Variants in METTL6 observed in about 807,000 individuals in gnomAD.
METTL6 encodes the protein tRNA N(3)-cytidine methyltransferase METTL6.
METTL6 carries 22 observed loss-of-function variants against 26.4 expected under a neutral mutation model. That is an observed-to-expected ratio of 0.83 (90% confidence interval 0.59 to 1.19). METTL6 has a LOEUF of 1.19. METTL6 is among the 50% of genes most tolerant of loss of function. The probability of loss-of-function intolerance (pLI) is 0.00; values close to 1 mark genes in which losing one functional copy is unlikely to be tolerated. For synonymous variants in METTL6, 109 were observed against 116.2 expected, an observed-to-expected ratio of 0.94 and a Z score of 0.40; for missense variants, 304 against 324.8, an observed-to-expected ratio of 0.94 and a Z score of 0.49.
rs757209185 is a variant in METTL6 at position 15,415,752 on chromosome 3, G to A, written c.531+20C>T. On this transcript the variant is annotated intron_variant, in intron 4 of 5. Transcript: ENST00000383790. ...AATCCAGACTGTCCAACCCTCAAGT[G>A]CAGGCCCCAAATCACTAACCTTGTA... The A allele has an allele frequency of 9.3e-6, 15 of 1,610,686 alleles. No homozygotes were observed. Among genetic ancestry groups the A allele is most frequent in the African/African-American group, 1.3e-5 (1 of 74,906 alleles).
chr3:15,413,816 C>T (rs529912502), intron 5 of METTL6: 19 of 1,488,648 alleles, frequency 1.3e-5, no homozygotes, highest in Middle Eastern at 3.7e-4. Context: ...GTCACTGACA[C>T]CAGAGAAGGC....
chr3:15,422,950 T>C (rs1186136181), intron 3 of METTL6, among the ~76,000 whole-genome samples: 2 of 152,206 alleles, frequency 1.3e-5, no homozygotes, highest in Admixed American at 1.3e-4. Flanking sequence ...AGTTCACAGA[T>C]AATATAGAAC....
chr3:15,393,810 C>T (rs1246961516), intron 6 of METTL6, among the ~76,000 whole-genome samples: 1 of 152,138 alleles, frequency 6.6e-6, no homozygotes, highest in Non-Finnish European at 1.5e-5. Context: ...TATTGATTTG[C>T]ATATGTTGAA....
rs1468092408 is a variant in METTL6, at chr3:15,411,142, A to G, written c.*114T>C. Reference sequence around the variant, plus strand: ...ACTCCTGACCTCAGATGATCCCCCAACCTCGGCCTCCCGAAGTGCTGGGAT... The same window carrying G: ...ACTCCTGACCTCAGATGATCCCCCAGCCTCGGCCTCCCGAAGTGCTGGGAT... On this transcript the variant is annotated 3_prime_UTR_variant, in exon 6 of 6. Transcript: ENST00000383790. The G allele has an allele frequency of 2.5e-6, 3 of 1,193,104 alleles. No individual in the cohort carries two copies. The highest frequency in any genetic ancestry group is 1.6e-5 in the South Asian group (1 of 63,790). 73.9% of individuals were successfully genotyped at this position (1,193,104 alleles called of 1,614,324 possible). A position where few individuals can be genotyped will look rare whatever the true frequency, so the allele number is the denominator to read the frequency against.
chr3:15,394,640 T>G (rs1699438707), intron 6 of METTL6, among the ~76,000 whole-genome samples: 1 of 152,274 alleles, frequency 6.6e-6, no homozygotes, highest in Non-Finnish European at 1.5e-5. Flanking sequence ...CATTTAGTGC[T>G]ATAAATTTCC....
At position 15,426,217 on chromosome 3, in the gene METTL6, G is replaced by A. The variant is rs551616481; in HGVS notation, c.225+70C>T. Reference sequence around the variant, plus strand: ...GCCTCCCCAAGTACTGGGATTACAGGCATGAGCCATGGCACCCTCTTCACA... The same window carrying A: ...GCCTCCCCAAGTACTGGGATTACAGACATGAGCCATGGCACCCTCTTCACA... On this transcript the variant is annotated intron_variant, in intron 2 of 5. Transcript: ENST00000383790. 10 of 1,467,968 alleles carry A rather than the reference G, an allele frequency of 6.8e-6. No individual in the cohort carries two copies. The East Asian group carries it at 2.0e-4, about 30-fold the overall frequency. 90.9% of individuals were successfully genotyped at this position (1,467,968 alleles called of 1,614,324 possible).
At chr3:15,422,318 C>T (rs1425927245) in intron 3 of METTL6, among the ~76,000 whole-genome samples, 1 of 151,018 alleles carries the variant, frequency 6.6e-6, no homozygotes, top group Non-Finnish European at 1.5e-5. Flanking sequence ...AGAGTGAGAC[C>T]CTATCTCAAA....
At chr3:15,391,864 T>C (rs1699358593) in intron 6 of METTL6, among the ~76,000 whole-genome samples, 1 of 152,206 alleles carries the variant, frequency 6.6e-6, no homozygotes, top group Non-Finnish European at 1.5e-5. Flanking sequence ...TTCCATAGTG[T>C]ATATGCACCA....
Position 15,426,557 on chromosome 3 carries a change from C to G in METTL6, c.-46G>C. ...CTTAACACAGCTGAAGATTCTCCAT[C>G]ACCAAATAATATGAATCCACGCTAA... On this transcript the variant is annotated 5_prime_UTR_variant, in exon 2 of 6. Coordinates refer to ENST00000383790, the MANE Select transcript of METTL6 (RefSeq NM_152396.4). 1 of 1,551,770 alleles carries G rather than the reference C, an allele frequency of 6.4e-7. No homozygotes were observed. The highest frequency in any genetic ancestry group is 8.8e-7 in the Non-Finnish European group (1 of 1,133,478).
chr3:15,394,123 G>C (rs1326573778), intron 6 of METTL6, among the ~76,000 whole-genome samples: 1 of 152,146 alleles, frequency 6.6e-6, no homozygotes, highest in Non-Finnish European at 1.5e-5. Context: ...AATCCATCTG[G>C]TCCTGGACTT....
downstream of METTL6, among the ~76,000 whole-genome samples, chr3:15,407,873 C>T (rs1175088665): frequency 6.6e-6 from 1 of 152,150 alleles, no homozygotes; most frequent in Non-Finnish European, 1.5e-5. Flanking sequence ...GGAAAGGTTC[C>T]TTAGATCTCC....
In METTL6 at chr3:15,413,488, C is replaced by T. The variant is rs117397224; in HGVS notation, c.673+533G>A. On this transcript the variant is annotated intron_variant, in intron 5 of 5. Coordinates refer to ENST00000383790, the MANE Select transcript of METTL6 (RefSeq NM_152396.4). ...CTACTCAGGAGGCTTCGGTGGATCA[C>T]TTGAGTCTGGAAGGTGGAGGCTGCA... is the stretch of plus-strand genomic sequence containing the variant. Among the ~76,000 whole-genome samples the T allele has an allele frequency of 4.0e-3, 616 of 152,102 alleles. 1 individual carries two copies. Among genetic ancestry groups the T allele is most frequent in the East Asian group, 0.019 (99 of 5,154 alleles).
At chr3:15,384,200 CA>C in intron 6 of METTL6, 1 of 356,770 alleles carries the variant, frequency 2.8e-6, no homozygotes, top group Non-Finnish European at 5.3e-6. Context: ...GAAAAAGAAA[CA>C]AAAAAGAGAT....
intron 2 of METTL6, 88 bp from the exon 3 acceptor site, chr3:15,425,177 C>G: frequency 3.5e-6 from 5 of 1,415,646 alleles, no homozygotes; most frequent in Non-Finnish European, 4.9e-6. Context: ...TATGAGAGGT[C>G]TCCGACCCCA....
At chr3:15,422,408 C>G (rs1029614734) in intron 3 of METTL6, among the ~76,000 whole-genome samples, 1 of 151,978 alleles carries the variant, frequency 6.6e-6, no homozygotes, top group Admixed American at 6.6e-5. Context: ...GCAGGCAGAT[C>G]ACTTGAGTTC....
downstream of METTL6, among the ~76,000 whole-genome samples, chr3:15,408,560 C>CCCT (rs1167763519): frequency 5.1e-4 from 16 of 31,544 alleles, no homozygotes; most frequent in African/African-American, 2.9e-3. Flanking sequence ...CTGCTCCTTG[C>CCCT]TCTTTTTTTT....
At chr3:15,414,955 T>C in intron 4 of METTL6, 1 of 1,133,384 alleles carries the variant, frequency 8.8e-7, no homozygotes, top group Non-Finnish European at 1.1e-6. Context: ...AGACAATAAA[T>C]GAAAGTGTTA....
At chr3:15,411,853 C>T (rs936971008) in intron 5 of METTL6, among the ~76,000 whole-genome samples, 2 of 151,892 alleles carry the variant, frequency 1.3e-5, no homozygotes, top group African/African-American at 4.8e-5. Flanking sequence ...ACCTCCGATT[C>T]CTGGGCTTAA....
chr3:15,412,074 C>A (rs550215206), intron 5 of METTL6, among the ~76,000 whole-genome samples: 143 of 152,196 alleles, frequency 9.4e-4, no homozygotes, highest in Non-Finnish European at 1.6e-3. Context: ...CGATTATATT[C>A]CTTTTTAAAA....
Sources: gnomAD v4.1 joint callset for allele counts (sites outside exome capture counted in the v4.1 genomes callset) on GRCh38, gnomAD v4.1.1 for gene constraint, MANE v1.5 for transcripts, NCBI Gene and HGNC (gene_info 2026-07-23, HGNC 2026-07-21) for gene names.